Variants in KHDRBS2 observed in about 807,000 individuals in gnomAD.
KHDRBS2 encodes the protein KH domain-containing, RNA-binding, signal transduction-associated protein 2.
KHDRBS2 carries 26 observed loss-of-function variants against 44.3 expected under a neutral mutation model. That is an observed-to-expected ratio of 0.59 (90% CI 0.43 to 0.81). The LOEUF (loss-of-function observed/expected upper bound fraction) is 0.81. Among genes scored for constraint, KHDRBS2 ranks in the 40% least tolerant of loss-of-function variants. The pLI, the probability that KHDRBS2 is intolerant of heterozygous loss-of-function variation, is 0.00. For missense variants in KHDRBS2, 476 were observed against 433.1 expected (o/e 1.10, Z -0.88); for synonymous variants, 194 against 151.1 (o/e 1.28, Z -2.08).
chr6:61,573,363 G>A, the KHDRBS2 span, among the ~76,000 whole-genome samples: 1 of 152,112 alleles, frequency 6.6e-6, no homozygotes, highest in Non-Finnish European at 1.5e-5. Flanking sequence ...TGGATGGGTA[G>A]AATCAATATT....
At chr6:61,581,386 A>G in the KHDRBS2 span, among the ~76,000 whole-genome samples, 1 of 152,024 alleles carries the variant, frequency 6.6e-6, no homozygotes, top group African/African-American at 2.4e-5. Context: ...CAGAAATTAA[A>G]AATGTTAAGC....
the KHDRBS2 span, among the ~76,000 whole-genome samples, chr6:61,635,393 C>T: frequency 3.6e-4 from 55 of 151,924 alleles, no homozygotes; most frequent in African/African-American, 1.1e-3. Context: ...ATTTTAAAAC[C>T]GTAATGTCTG....
At chr6:62,006,902 T>C (rs1243970044) in intron 3 of KHDRBS2, among the ~76,000 whole-genome samples, 1 of 152,008 alleles carries the variant, frequency 6.6e-6, no homozygotes, top group African/African-American at 2.4e-5. Flanking sequence ...CAGGAGTTAT[T>C]AGATAAATTT....
intron 6 of KHDRBS2, among the ~76,000 whole-genome samples, chr6:61,887,436 C>A (rs567551035): frequency 2.6e-5 from 4 of 151,936 alleles, no homozygotes; most frequent in African/African-American, 7.2e-5. Context: ...AGCAGAAGGT[C>A]AATGAAAAAA....
At chr6:61,687,536 G>A (rs1028847272) in intron 8 of KHDRBS2, among the ~76,000 whole-genome samples, 7 of 151,858 alleles carry the variant, frequency 4.6e-5, no homozygotes, top group African/African-American at 1.4e-4. Context: ...TTGAACGGTA[G>A]TTCCCAGAGT....
chr6:62,191,726 G>C (rs1434556948), intron 1 of KHDRBS2, among the ~76,000 whole-genome samples: 1 of 151,976 alleles, frequency 6.6e-6, no homozygotes, highest in Non-Finnish European at 1.5e-5. Context: ...TCAACACAAT[G>C]ATTTTTACAC....
At chr6:61,950,512 T>A (rs1425508057) in intron 4 of KHDRBS2, among the ~76,000 whole-genome samples, 1 of 152,028 alleles carries the variant, frequency 6.6e-6, no homozygotes, top group Non-Finnish European at 1.5e-5. Context: ...TTGATATGCT[T>A]CTGGATTCTG....
chr6:61,607,308 C>T, the KHDRBS2 span, among the ~76,000 whole-genome samples: 1 of 151,060 alleles, frequency 6.6e-6, no homozygotes, highest in Admixed American at 6.6e-5. Context: ...TAATACATAA[C>T]ATGCTAATAC....
chr6:61,894,711 G>C lies in KHDRBS2; in HGVS notation c.734C>G (p.Pro245Arg). Residue 245 changes from proline to arginine, a missense_variant, in exon 6 of 9, where the codon CCT (proline) becomes CGT (arginine). By Grantham distance (103) the Pro-to-Arg change is moderately radical. Transcript: ENST00000281156. ...CACTGTTGGTGCCCCCCGGGCTCGA[G>C]GGGTAGGGACACCTCTTGCTACAGG... Reference protein sequence around the residue: ...VPPVARGVPTPRARGAPTVPG... With the variant: ...VPPVARGVPTRRARGAPTVPG... The C allele has an allele frequency of 6.2e-7, 1 of 1,613,604 alleles. No homozygotes were observed. Among genetic ancestry groups the C allele is most frequent in the Non-Finnish European group, 8.5e-7 (1 of 1,179,796 alleles).
At chr6:61,917,492 A>T (rs1807234668) in intron 4 of KHDRBS2, among the ~76,000 whole-genome samples, 1 of 151,988 alleles carries the variant, frequency 6.6e-6, no homozygotes, top group Non-Finnish European at 1.5e-5. Context: ...GGTTAGGGGA[A>T]GGATGGAATG....
intron 2 of KHDRBS2, among the ~76,000 whole-genome samples, chr6:62,081,512 T>A (rs1208955424): frequency 1.3e-5 from 2 of 152,130 alleles, no homozygotes; most frequent in Non-Finnish European, 2.9e-5. Flanking sequence ...CAACAATAAT[T>A]TACTGAAGTT....
At chr6:61,759,632 CTTCCAAT>C (rs1778985102) in intron 6 of KHDRBS2, among the ~76,000 whole-genome samples, 1 of 152,134 alleles carries the variant, frequency 6.6e-6, no homozygotes, top group African/African-American at 2.4e-5. Flanking sequence ...AAGCCATATG[CTTCCAAT>C]AGGTAACTTA....
intron 6 of KHDRBS2, among the ~76,000 whole-genome samples, chr6:61,892,966 A>AT (rs36174196): frequency 2.0e-5 from 3 of 152,010 alleles, no homozygotes; most frequent in Non-Finnish European, 4.4e-5. Flanking sequence ...TGAACAGGCA[A>AT]CTGACAGAAT....
intron 1 of KHDRBS2, among the ~76,000 whole-genome samples, chr6:62,253,104 A>C (rs1836809785): frequency 6.6e-6 from 1 of 152,012 alleles, no homozygotes; most frequent in Non-Finnish European, 1.5e-5. Flanking sequence ...TATTCTTTAC[A>C]AAAAACAGAG....
chr6:61,546,051 G>A, the KHDRBS2 span, among the ~76,000 whole-genome samples: 2 of 152,016 alleles, frequency 1.3e-5, no homozygotes, highest in Non-Finnish European at 2.9e-5. Flanking sequence ...GACTAATACA[G>A]TCTCTCTAAA....
At chr6:61,548,525 A>C in the KHDRBS2 span, among the ~76,000 whole-genome samples, 1 of 152,192 alleles carries the variant, frequency 6.6e-6, no homozygotes, top group African/African-American at 2.4e-5. Context: ...CTAGCAAGGC[A>C]AACTATTAAT....
At chr6:61,691,785 C>T (rs1360329894) in intron 8 of KHDRBS2, among the ~76,000 whole-genome samples, 1 of 152,080 alleles carries the variant, frequency 6.6e-6, no homozygotes, top group Non-Finnish European at 1.5e-5. Flanking sequence ...CTTATTTTCA[C>T]ACAGGGAAAA....
chr6:61,670,724 C>G, the KHDRBS2 span, among the ~76,000 whole-genome samples: 2 of 140,642 alleles, frequency 1.4e-5, no homozygotes, highest in Non-Finnish European at 3.2e-5. Flanking sequence ...GATGTTTGCT[C>G]ATCTAGTTCA....
chr6:61,681,484 G>T (rs1766291153), intron 8 of KHDRBS2, among the ~76,000 whole-genome samples: 2 of 151,774 alleles, frequency 1.3e-5, no homozygotes, highest in Admixed American at 6.6e-5. Flanking sequence ...AAAACTCTAT[G>T]GGCTGGGACC....
Sources: gnomAD v4.1 joint callset for allele counts (sites outside exome capture counted in the v4.1 genomes callset) on GRCh38, gnomAD v4.1.1 for gene constraint, MANE v1.5 for transcripts, NCBI Gene and HGNC (gene_info 2026-07-23, HGNC 2026-07-21) for gene names.